Variants in EYS observed in about 807,000 individuals in gnomAD.
EYS encodes EGF-like photoreceptor maintenance factor, also known as protein eyes shut homolog.
A neutral mutation model predicts 282.1 loss-of-function variants in EYS; 250 were observed. The ratio of observed to expected loss-of-function variants is 0.89; its 90% CI spans 0.80 to 0.98. EYS has a LOEUF of 0.98. EYS is among the 50% of genes least tolerant of loss of function. EYS has a pLI of 0.00. For synonymous variants in EYS, 1,355 were observed against 1,282.9 expected (o/e 1.06, Z -1.20); for missense variants, 4,016 against 3,709.0 (o/e 1.08, Z -2.15).
chr6:64,081,014 G>A (rs1333092006), intron 32 of EYS, among the ~76,000 whole-genome samples: 2 of 151,742 alleles, frequency 1.3e-5, no homozygotes, highest in African/African-American at 4.8e-5. Context: ...TTGTTCTTTT[G>A]GCTTAGGATT....
intron 26 of EYS, among the ~76,000 whole-genome samples, chr6:64,530,949 C>G (rs1325374766): frequency 6.6e-6 from 1 of 152,136 alleles, no homozygotes; most frequent in Admixed American, 6.5e-5. Context: ...ATCTCCGCCA[C>G]TTTCGGGTTC....
intron 12 of EYS, among the ~76,000 whole-genome samples, chr6:65,075,620 T>C (rs557490528): frequency 6.6e-6 from 1 of 152,102 alleles, no homozygotes; most frequent in Non-Finnish European, 1.5e-5. Context: ...TAGTATTGTA[T>C]CAGTCTTTTA....
At chr6:64,027,447 G>T (rs1769578671) in intron 33 of EYS, among the ~76,000 whole-genome samples, 2 of 152,050 alleles carry the variant, frequency 1.3e-5, no homozygotes, top group Admixed American at 6.5e-5. Flanking sequence ...AGCAAGCCCT[G>T]GGCCCTGAAC....
At chr6:65,218,279 G>A (rs542823847) in intron 12 of EYS, among the ~76,000 whole-genome samples, 2 of 152,140 alleles carry the variant, frequency 1.3e-5, no homozygotes, top group South Asian at 4.1e-4. Context: ...TACCCTGATA[G>A]GGATACATAA....
intron 31 of EYS, among the ~76,000 whole-genome samples, chr6:64,157,114 A>G (rs1020062431): frequency 1.5e-4 from 21 of 138,350 alleles, no homozygotes; most frequent in Middle Eastern, 4.1e-3. Context: ...TCATTGTTCA[A>G]TTCCCACCTA....
At chr6:64,320,881 T>TA (rs2150384192) in intron 29 of EYS, among the ~76,000 whole-genome samples, 1 of 151,920 alleles carries the variant, frequency 6.6e-6, no homozygotes, top group Non-Finnish European at 1.5e-5. Flanking sequence ...ATATGCTTTT[T>TA]AAAAAATAAA....
intron 31 of EYS, among the ~76,000 whole-genome samples, chr6:64,139,753 G>A (rs560084125): frequency 6.6e-6 from 1 of 152,068 alleles, no homozygotes; most frequent in South Asian, 2.1e-4. Context: ...GAAGGATCAC[G>A]AAGTCAGGAG....
At chr6:64,634,828 A>C (rs1767917063) in intron 22 of EYS, among the ~76,000 whole-genome samples, 1 of 152,220 alleles carries the variant, frequency 6.6e-6, no homozygotes, top group Admixed American at 6.5e-5. Context: ...TCAATATAAA[A>C]GAAATTAGAT....
At chr6:64,668,410 C>A (rs1036024556) in intron 22 of EYS, among the ~76,000 whole-genome samples, 1 of 152,020 alleles carries the variant, frequency 6.6e-6, no homozygotes. Context: ...GTCAAAATAA[C>A]TATTTTCTCT....
chr6:65,692,661 G>A (rs1437964703), intron 1 of EYS, among the ~76,000 whole-genome samples: 1 of 149,750 alleles, frequency 6.7e-6, no homozygotes, highest in Admixed American at 6.7e-5. Flanking sequence ...GAACTACAAA[G>A]GGACTAAAAC....
intron 31 of EYS, among the ~76,000 whole-genome samples, chr6:64,145,497 C>A (rs1562223711): frequency 6.6e-6 from 1 of 152,100 alleles, no homozygotes; most frequent in African/African-American, 2.4e-5. Flanking sequence ...TCTTAAAATC[C>A]TTTATTTGTC....
intron 15 of EYS, among the ~76,000 whole-genome samples, chr6:64,939,852 A>C (rs1225929024): frequency 1.3e-5 from 2 of 152,032 alleles, no homozygotes; most frequent in Admixed American, 6.6e-5. Flanking sequence ...ATAGAACATC[A>C]GTATCAGACA....
At chr6:64,099,380 C>T (rs1397565639) in intron 31 of EYS, among the ~76,000 whole-genome samples, 1 of 152,154 alleles carries the variant, frequency 6.6e-6, no homozygotes, top group Non-Finnish European at 1.5e-5. Flanking sequence ...TGTAAATATT[C>T]AGCAAAGCCT....
chr6:64,280,710 T>A, intron 30 of EYS, among the ~76,000 whole-genome samples: 1 of 152,134 alleles, frequency 6.6e-6, no homozygotes, highest in East Asian at 1.9e-4. Context: ...ACTCCTTTTG[T>A]AATTCTAATC....
intron 31 of EYS, among the ~76,000 whole-genome samples, chr6:64,156,813 A>G (rs539798352): frequency 2.0e-5 from 3 of 152,324 alleles, no homozygotes; most frequent in African/African-American, 7.2e-5. Context: ...AGAAATTTCT[A>G]AGCAGCAAAG....
Position 63,720,067 on chromosome 6 carries a change from T to G in EYS, c.*529A>C, listed in dbSNP as rs193035948. The G allele has an allele frequency of 4.6e-4, 71 of 153,508 alleles. No homozygotes were observed. The highest frequency in any genetic ancestry group is 3.6e-3 in the East Asian group (19 of 5,226). 9.5% of individuals were successfully genotyped at this position (153,508 alleles called of 1,614,324 possible). A position where few individuals can be genotyped will look rare whatever the true frequency, so the allele number is the denominator to read the frequency against. On this transcript the variant is annotated 3_prime_UTR_variant, in exon 43 of 43. Coordinates refer to ENST00000503581, the MANE Select transcript of EYS (RefSeq NM_001142800.2). ...TTCATGCAATAATTTTTGGTTTAAA[T>G]CTATGTTCAAGTTTTACATTGTTGA...
In EYS at chr6:64,537,135, C is replaced by G. The variant is rs1242632015; in HGVS notation, c.5644+53088G>C. ...ACTCGTCATCTAGCATTAGGTATAA[C>G]TCCCAATGCTATCCCTCCCCCCTCC... On this transcript the variant is annotated intron_variant, in intron 26 of 42. Coordinates refer to ENST00000503581, the MANE Select transcript of EYS (RefSeq NM_001142800.2). 2.7e-5 allele frequency among the ~76,000 whole-genome samples: 4 copies of G among 148,988 alleles called. No individual in the cohort carries two copies. The East Asian group carries it at 8.2e-4, about 30-fold the overall frequency.
At chr6:65,271,598 T>C (rs574237875) in intron 12 of EYS, among the ~76,000 whole-genome samples, 1 of 152,130 alleles carries the variant, frequency 6.6e-6, no homozygotes, top group Non-Finnish European at 1.5e-5. Context: ...TTTTTTATTT[T>C]TTTAGTTGGA....
chr6:65,334,011 G>A (rs1769890599), intron 11 of EYS, among the ~76,000 whole-genome samples: 1 of 151,452 alleles, frequency 6.6e-6, no homozygotes, highest in African/African-American at 2.4e-5. Context: ...TATACATAAA[G>A]TGTATCTTCT....
Sources: gnomAD v4.1 joint callset for allele counts (sites outside exome capture counted in the v4.1 genomes callset) on GRCh38, gnomAD v4.1.1 for gene constraint, MANE v1.5 for transcripts, NCBI Gene and HGNC (gene_info 2026-07-23, HGNC 2026-07-21) for gene names.